ATXN8OS: variants seen among roughly 807,000 people sequenced by gnomAD.
ATXN8OS encodes ATXN8 opposite strand lncRNA, also known as ATXN8 opposite strand (non-protein coding).
chr13:70,158,401 G>GA (rs1888963488), intron 4 of ATXN8OS, among the ~76,000 whole-genome samples: 1 of 152,086 alleles, frequency 6.6e-6, no homozygotes. Flanking sequence ...CTGGGCGACA[G>GA]GCAAGACTCC....
intron 4 of ATXN8OS, among the ~76,000 whole-genome samples, chr13:70,153,204 A>C (rs1461399431): frequency 6.6e-6 from 1 of 152,146 alleles, no homozygotes; most frequent in Non-Finnish European, 1.5e-5. Flanking sequence ...GAGTGAATGG[A>C]GTAGGCAAGC....
intron 1 of ATXN8OS, among the ~76,000 whole-genome samples, chr13:70,112,254 G>A (rs773591655): frequency 2.0e-5 from 3 of 152,132 alleles, no homozygotes; most frequent in East Asian, 1.9e-4. Flanking sequence ...CTCTAGCACC[G>A]GGGATTATAA....
chr13:70,141,514 G>C (rs1248814406), intron 3 of ATXN8OS, among the ~76,000 whole-genome samples: 1 of 152,044 alleles, frequency 6.6e-6, no homozygotes, highest in Non-Finnish European at 1.5e-5. Context: ...AATACAAAGA[G>C]GATATAGTAT....
intron 4 of ATXN8OS, among the ~76,000 whole-genome samples, chr13:70,163,305 G>C (rs1593778651): frequency 6.6e-6 from 1 of 152,138 alleles, no homozygotes; most frequent in East Asian, 1.9e-4. Context: ...TGGTGTGGAA[G>C]AGAAAAGATT....
At chr13:70,116,185 C>T (rs925783374) in intron 2 of ATXN8OS, among the ~76,000 whole-genome samples, 3 of 150,666 alleles carry the variant, frequency 2.0e-5, no homozygotes, top group Non-Finnish European at 4.4e-5. Context: ...AGACCAAAAT[C>T]TGTGCCCTCA....
chr13:70,108,637 C>T (rs1006937181), intron 1 of ATXN8OS: 1 of 152,198 alleles, frequency 6.6e-6, no homozygotes, highest in South Asian at 2.1e-4. Context: ...ACCCTCCTTC[C>T]TCGCTACATT....
intron 4 of ATXN8OS, among the ~76,000 whole-genome samples, chr13:70,165,685 A>G (rs1262393847): frequency 2.6e-5 from 4 of 152,058 alleles, no homozygotes; most frequent in African/African-American, 9.7e-5. Context: ...CATAGCAGCA[A>G]TCACTGATAG....
exon 5 of ATXN8OS, among the ~76,000 whole-genome samples, chr13:70,169,934 A>G (rs1889125457): frequency 1.3e-5 from 2 of 152,124 alleles, no homozygotes. Flanking sequence ...ATTGCGAGCC[A>G]GCTTCTTCTG....
intron 4 of ATXN8OS, among the ~76,000 whole-genome samples, chr13:70,159,712 T>C (rs669311): frequency 0.88 from 134,596 of 152,110 alleles, 59,913 homozygotes; most frequent in Middle Eastern, 0.96. Flanking sequence ...TTGCCTGATC[T>C]CAATTCTTGG....
intron 2 of ATXN8OS, among the ~76,000 whole-genome samples, chr13:70,117,867 T>A (rs1888301748): frequency 1.3e-5 from 2 of 152,172 alleles, no homozygotes; most frequent in South Asian, 2.1e-4. Context: ...AAAAAAAAGT[T>A]TAAAAATAAA....
chr13:70,166,443 G>A (rs2137507746), intron 4 of ATXN8OS, among the ~76,000 whole-genome samples: 1 of 152,068 alleles, frequency 6.6e-6, no homozygotes, highest in African/African-American at 2.4e-5. Flanking sequence ...AAATGGTGCT[G>A]GGAAAACTGG....
chr13:70,156,701 G>A (rs1281846070), intron 4 of ATXN8OS, among the ~76,000 whole-genome samples: 1 of 152,096 alleles, frequency 6.6e-6, no homozygotes, highest in African/African-American at 2.4e-5. Context: ...TCTATGAGAA[G>A]CATGAGTTTT....
intron 4 of ATXN8OS, among the ~76,000 whole-genome samples, chr13:70,169,625 A>G (rs561439305): frequency 1.3e-5 from 2 of 152,218 alleles, no homozygotes; most frequent in South Asian, 4.1e-4. Flanking sequence ...GAGTATTGTC[A>G]TAAGTAAACT....
chr13:70,127,539 A>C (rs567120996), intron 2 of ATXN8OS, among the ~76,000 whole-genome samples: 11 of 152,210 alleles, frequency 7.2e-5, no homozygotes, highest in African/African-American at 2.4e-4. Flanking sequence ...GTATTTCATA[A>C]AAATAGAATT....
At chr13:70,140,533 C>CACAAAAAAA (rs71196274) in intron 3 of ATXN8OS, among the ~76,000 whole-genome samples, 1 of 133,040 alleles carries the variant, frequency 7.5e-6, no homozygotes, top group Non-Finnish European at 1.6e-5. Flanking sequence ...CACACACACA[C>CACAAAAAAA]AAAAAAAAAA....
chr13:70,146,573 A>G (rs1000343039), intron 3 of ATXN8OS, among the ~76,000 whole-genome samples: 1 of 152,204 alleles, frequency 6.6e-6, no homozygotes, highest in African/African-American at 2.4e-5. Flanking sequence ...ACCAGGGAAT[A>G]CTATGCAGCC....
Position 70,147,415 on chromosome 13 carries a change from G to A in ATXN8OS, n.560G>A, listed in dbSNP as rs77771073. The stretch of plus-strand genomic sequence containing the variant: ...CTGTTGAAACCCAAAATTTGCCTCC[G>A]TTTAATGGCTTAGGTGAGTCTGTCA... On this transcript the variant is annotated non_coding_transcript_exon_variant, in exon 4 of 5. Coordinates refer to ENST00000678624, the Ensembl canonical transcript of ATXN8OS. 1.3e-3 allele frequency among the ~76,000 whole-genome samples: 201 copies of A among 152,064 alleles called. 1 individual carries two copies. The highest frequency in any genetic ancestry group is 4.6e-3 in the African/African-American group (192 of 41,482).
In ATXN8OS at chr13:70,167,062, T is replaced by C. The variant is rs551114410; in HGVS notation, n.574-2691T>C. Among the ~76,000 whole-genome samples the C allele has an allele frequency of 2.0e-3, 297 of 152,096 alleles. 9 individuals carry two copies. Among genetic ancestry groups the C allele is most frequent in the Admixed American group, 0.016 (251 of 15,232 alleles). ...GAGAAATAGGAACACTTTTACACTG[T>C]TGGTGGGACTGTAAACTAGTTCAAC... On this transcript the variant is annotated intron_variant and non_coding_transcript_variant, in intron 4 of 4. Transcript: ENST00000678624.
chr13:70,115,511 A>G (rs1265141538), intron 2 of ATXN8OS, among the ~76,000 whole-genome samples: 1 of 151,868 alleles, frequency 6.6e-6, no homozygotes, highest in Non-Finnish European at 1.5e-5. Context: ...ATGGGTGGCT[A>G]TATCTCTATA....
Sources: allele counts gnomAD v4.1 joint callset (sites outside exome capture counted in the v4.1 genomes callset), GRCh38; gene constraint gnomAD v4.1.1; transcripts MANE v1.5; gene names NCBI Gene and HGNC (gene_info 2026-07-23, HGNC 2026-07-21).